The following OSBPL6 variants were observed in gnomAD, a reference collection of about 807,000 sequenced individuals.
OSBPL6 encodes oxysterol binding protein like 6.
A neutral mutation model predicts 125.8 loss-of-function variants in OSBPL6; 49 were observed. That is an observed-to-expected ratio of 0.39 (90% CI 0.31 to 0.49). OSBPL6 has a LOEUF of 0.49. OSBPL6 is among the 20% of genes least tolerant of loss of function. The probability of loss-of-function intolerance (pLI) is 0.88; values close to 1 mark genes in which losing one functional copy is unlikely to be tolerated. For synonymous variants in OSBPL6, 394 were observed against 391.8 expected, an observed-to-expected ratio of 1.01 and a Z score of -0.07; for missense variants, 986 against 1,135.4, an observed-to-expected ratio of 0.87 and a Z score of 1.89.
At chr2:178,274,064 C>G (rs865987392) in intron 1 of OSBPL6, among the ~76,000 whole-genome samples, 1 of 152,154 alleles carries the variant, frequency 6.6e-6, no homozygotes, top group Non-Finnish European at 1.5e-5. Context: ...ATTTGCTGCC[C>G]AGGAAAGAGC....
rs576435487 is a variant in OSBPL6, at chr2:178,350,091, C to T, written c.1153+702C>T. On this transcript the variant is annotated intron_variant, in intron 12 of 24. Coordinates refer to ENST00000190611, the MANE Select transcript of OSBPL6 (RefSeq NM_032523.4). ...ATTCTATTGGTCAAAGCACCATAGG[C>T]CAGCTCAGATTTGAGGGGAAATTGA... Among the ~76,000 whole-genome samples, 3 of 152,326 alleles carry T rather than the reference C, an allele frequency of 2.0e-5. No individual in the cohort carries two copies. The East Asian group carries it at 5.8e-4, about 29-fold the overall frequency.
In OSBPL6 at chr2:178,206,739, C is replaced by T. The variant is rs2089553827; in HGVS notation, c.-351+12065C>T. Among the ~76,000 whole-genome samples the T allele has an allele frequency of 2.6e-5, 4 of 152,240 alleles. No individual in the cohort carries two copies. In the South Asian group the frequency reaches 6.2e-4, roughly 24 times the overall value. ...AAGCAATTCTCCTGTCTCAGCCTGCCAAGTAGCTGGGACTACAGGCACCTG... is the reference window on the plus strand; with the variant it reads ...AAGCAATTCTCCTGTCTCAGCCTGCTAAGTAGCTGGGACTACAGGCACCTG... On this transcript the variant is annotated intron_variant, in intron 1 of 24. Transcript: ENST00000190611.
In OSBPL6 at chr2:178,332,707, G is replaced by A. The variant is rs758791363; in HGVS notation, c.439G>A (p.Ala147Thr). Reference protein sequence around the residue: ...GLSVMSIKKKARRIDLDTEEH... With the variant: ...GLSVMSIKKKTRRIDLDTEEH... ...CTCAGTCATGTCAATTAAAAAGAAA[G>A]CTCGAAGAATAGACCTTGACACCGA... The change falls in exon 7 of 25, where the codon GCT (alanine) becomes ACT (threonine). Residue 147 changes from alanine (A) to threonine (T), a missense_variant. This residue lies in a region of OSBPL6 where 843 missense variants were observed against 997.3 expected (regional missense o/e 0.85). Coordinates refer to ENST00000190611, the MANE Select transcript of OSBPL6 (RefSeq NM_032523.4). The A allele has an allele frequency of 1.9e-5, 30 of 1,614,044 alleles. No homozygotes were observed. The highest frequency in any genetic ancestry group is 2.3e-5 in the Non-Finnish European group (27 of 1,180,032).
At chr2:178,297,907 T>C (rs1227144576) in intron 2 of OSBPL6, among the ~76,000 whole-genome samples, 3 of 152,246 alleles carry the variant, frequency 2.0e-5, no homozygotes. Context: ...TGTCCACTTC[T>C]GTATCATTAA....
Position 178,332,724 on chromosome 2 carries a change from T to C in OSBPL6, c.456T>C (p.Leu152=), listed in dbSNP as rs1689319861. 6.2e-7 allele frequency: 1 copy of C among 1,614,150 alleles called. No homozygotes were observed. The highest frequency in any genetic ancestry group is 2.2e-5 in the East Asian group (1 of 44,872). The change falls in exon 7 of 25, where the codon CTT becomes CTC. Residue 152 remains leucine, a synonymous_variant. Coordinates refer to ENST00000190611, the MANE Select transcript of OSBPL6 (RefSeq NM_032523.4). ...AAAAGAAAGCTCGAAGAATAGACCT[T>C]GACACCGAAGAGCACATCTATCATT... is the stretch of plus-strand genomic sequence containing the variant. ...SIKKKARRID[L]DTEEHIYHLK...
At chr2:178,358,951 C>T (rs1328379439) in intron 12 of OSBPL6, among the ~76,000 whole-genome samples, 1 of 152,038 alleles carries the variant, frequency 6.6e-6, no homozygotes, top group African/African-American at 2.4e-5. Context: ...ATAACCTTTA[C>T]TTGAGGCCAG....
At chr2:178,287,990 C>T (rs1684873127) in intron 2 of OSBPL6, among the ~76,000 whole-genome samples, 1 of 151,308 alleles carries the variant, frequency 6.6e-6, no homozygotes, top group Admixed American at 6.6e-5. Flanking sequence ...TAAAACTAAC[C>T]AGTGAGCAAA....
intron 3 of OSBPL6, among the ~76,000 whole-genome samples, chr2:178,315,490 C>T (rs1687653906): frequency 6.6e-6 from 1 of 152,188 alleles, no homozygotes; most frequent in African/African-American, 2.4e-5. Flanking sequence ...TAATGGCACA[C>T]AGATACTCAT....
chr2:178,203,217 T>A (rs1402276485), intron 1 of OSBPL6, among the ~76,000 whole-genome samples: 5 of 152,132 alleles, frequency 3.3e-5, no homozygotes, highest in African/African-American at 9.7e-5. Flanking sequence ...TGAGGTAGAG[T>A]CTCACCTCAG....
At chr2:178,366,435 T>C (rs1014730269) in intron 13 of OSBPL6, among the ~76,000 whole-genome samples, 4 of 152,152 alleles carry the variant, frequency 2.6e-5, no homozygotes, top group African/African-American at 4.8e-5. Flanking sequence ...ATATGACCCA[T>C]CTATTCCAGC....
At chr2:178,353,577 C>A (rs1691489182) in intron 12 of OSBPL6, among the ~76,000 whole-genome samples, 1 of 152,134 alleles carries the variant, frequency 6.6e-6, no homozygotes, top group African/African-American at 2.4e-5. Flanking sequence ...AACAAAGCCT[C>A]CAAGAAGTAT....
intron 5 of OSBPL6, among the ~76,000 whole-genome samples, chr2:178,328,890 T>C (rs1688939365): frequency 6.6e-6 from 1 of 152,184 alleles, no homozygotes; most frequent in South Asian, 2.1e-4. Context: ...GAAAAAAATA[T>C]GTGATATTTA....
chr2:178,342,297 CTGT>C (rs1690283560), intron 11 of OSBPL6, among the ~76,000 whole-genome samples: 1 of 151,996 alleles, frequency 6.6e-6, no homozygotes, highest in Non-Finnish European at 1.5e-5. Flanking sequence ...ATTGTTGCTG[CTGT>C]TGTTGTTATC....
At chr2:178,220,431 G>A (rs947147312) in intron 1 of OSBPL6, among the ~76,000 whole-genome samples, 5 of 151,916 alleles carry the variant, frequency 3.3e-5, no homozygotes, top group Non-Finnish European at 2.9e-5. Flanking sequence ...TTAGTAGCTG[G>A]GACTTCAGAT....
intron 13 of OSBPL6, among the ~76,000 whole-genome samples, chr2:178,362,667 A>G (rs1692458962): frequency 6.6e-6 from 1 of 152,178 alleles, no homozygotes; most frequent in Non-Finnish European, 1.5e-5. Flanking sequence ...CTGCTTGAAC[A>G]GTTTCCCTCG....
At chr2:178,379,408 A>G (rs1192876699) in intron 15 of OSBPL6, among the ~76,000 whole-genome samples, 1 of 143,382 alleles carries the variant, frequency 7.0e-6, no homozygotes, top group Non-Finnish European at 1.5e-5. Context: ...GGAGGGAGGG[A>G]AAGAAAGAGA....
At chr2:178,265,862 G>A (rs1426804116) in intron 1 of OSBPL6, among the ~76,000 whole-genome samples, 1 of 152,046 alleles carries the variant, frequency 6.6e-6, no homozygotes, top group Non-Finnish European at 1.5e-5. Context: ...GTAGCTTTGA[G>A]AAACTTGCAG....
Position 178,285,119 on chromosome 2 carries a change from A to C in OSBPL6, c.-158A>C. On this transcript the variant is annotated splice_region_variant and 5_prime_UTR_variant, in exon 2 of 25. Transcript: ENST00000190611. ...TTGGAAGACTTTGACTCCAAGGTGC[A>C]AGGTGAGTTAGAAGAACACAAGCTT... 2.5e-6 allele frequency: 1 copy of C among 398,446 alleles called. No homozygotes were observed. The highest frequency in any genetic ancestry group is 3.6e-5 in the East Asian group (1 of 28,060). 24.7% of individuals were successfully genotyped at this position (398,446 alleles called of 1,614,324 possible).
At position 178,284,916 on chromosome 2, in the gene OSBPL6, C is replaced by A. The variant is rs1684560575; in HGVS notation, c.-350-11C>A. ...AAGATGTACTATATGACTGTAATCT[C>A]TCTTTTTCAGGTTCTGCCACTTGCT... On this transcript the variant is annotated splice_polypyrimidine_tract_variant and intron_variant, in intron 1 of 24. Transcript: ENST00000190611. The A allele has an allele frequency of 2.5e-6, 1 of 397,634 alleles. No individual in the cohort carries two copies. Among genetic ancestry groups the A allele is most frequent in the South Asian group, 1.3e-4 (1 of 7,658 alleles). 24.6% of individuals were successfully genotyped at this position (397,634 alleles called of 1,614,324 possible).
Sources: allele counts gnomAD v4.1 joint callset (sites outside exome capture counted in the v4.1 genomes callset), GRCh38; gene constraint gnomAD v4.1.1; regional missense constraint gnomAD v4.1.1; transcripts MANE v1.5; gene names NCBI Gene and HGNC (gene_info 2026-07-23, HGNC 2026-07-21).